The following PSMB1 variants were observed in gnomAD, a reference collection of about 807,000 sequenced individuals.
PSMB1 encodes the protein proteasome subunit beta type-1.
PSMB1 carries 7 observed loss-of-function variants against 25.4 expected under a neutral mutation model. The ratio of observed to expected loss-of-function variants is 0.28; its 90% CI spans 0.16 to 0.52. The LOEUF is 0.52. Among genes scored for constraint, PSMB1 ranks in the 20% least tolerant of loss-of-function variants. The probability of loss-of-function intolerance (pLI) is 0.97; values close to 1 mark genes in which losing one functional copy is unlikely to be tolerated. For missense variants in PSMB1, 284 were observed against 302.2 expected (o/e 0.94, Z 0.45); for synonymous variants, 119 against 115.0 (o/e 1.03, Z -0.22).
Position 170,535,184 on chromosome 6 carries a change from C to T in PSMB1, c.*36G>A. 2 of 1,562,932 alleles carry T rather than the reference C, an allele frequency of 1.3e-6. No individual in the cohort carries two copies. The highest frequency in any genetic ancestry group is 1.7e-6 in the Non-Finnish European group (2 of 1,148,500). On this transcript the variant is annotated 3_prime_UTR_variant, in exon 6 of 6. Coordinates refer to ENST00000262193, the MANE Select transcript of PSMB1 (RefSeq NM_002793.4). ...GTACAGTTCCAAAGTACAAAATCAACCAGGTCTGAACTGATTGGTGATAAG... is the reference window on the plus strand; with the variant it reads ...GTACAGTTCCAAAGTACAAAATCAATCAGGTCTGAACTGATTGGTGATAAG...
rs375665617 is a variant in PSMB1 at position 170,537,294 on chromosome 6, T to C, written c.480A>G (p.Arg160=). ...CTGAGCCTCCAGCCTTGAAGGAGTC[T>C]CTCTGGTAAGACCCTACTGGATCAA... is the stretch of plus-strand genomic sequence containing the variant. ...YSFDPVGSYQ[R]DSFKAGGSAS... Residue 160 remains arginine, a synonymous_variant, in exon 5 of 6, where the codon AGA becomes AGG. Coordinates refer to ENST00000262193, the MANE Select transcript of PSMB1 (RefSeq NM_002793.4). 16 of 1,614,138 alleles carry C rather than the reference T, an allele frequency of 9.9e-6. No individual in the cohort carries two copies. The highest frequency in any genetic ancestry group is 1.4e-5 in the Non-Finnish European group (16 of 1,180,018).
At chr6:170,537,639 T>C (rs1344372959) in intron 4 of PSMB1, among the ~76,000 whole-genome samples, 1 of 152,090 alleles carries the variant, frequency 6.6e-6, no homozygotes, top group Non-Finnish European at 1.5e-5. Context: ...AAATACAATA[T>C]TGAGTAACAC....
Position 170,553,254 on chromosome 6 carries a change from G to A in PSMB1, c.-12C>T, listed in dbSNP as rs745583589. On this transcript the variant is annotated 5_prime_UTR_variant, in exon 1 of 6. Coordinates refer to ENST00000262193, the MANE Select transcript of PSMB1 (RefSeq NM_002793.4). ...GTAGAGGACAACATCGCACGGCTGC[G>A]CCTGCGGATCCGACACTTGCTGTCT... is the stretch of plus-strand genomic sequence containing the variant. 20 of 1,583,404 alleles carry A rather than the reference G, an allele frequency of 1.3e-5. No individual in the cohort carries two copies. Among genetic ancestry groups the A allele is most frequent in the Non-Finnish European group, 1.5e-5 (17 of 1,156,904 alleles).
rs142774442 is a variant in PSMB1 at position 170,542,452 on chromosome 6, G to A, written c.433+1149C>T. Among the ~76,000 whole-genome samples, 441 of 152,228 alleles carry A rather than the reference G, an allele frequency of 2.9e-3. 2 individuals carry two copies. The highest frequency in any genetic ancestry group is 3.5e-3 in the Non-Finnish European group (240 of 68,018). The stretch of plus-strand genomic sequence containing the variant: ...GTGGCCAGCCGCATGTATTCCCCTG[G>A]AGGCTCTGACCCAAGCCAAGGCCTG... On this transcript the variant is annotated intron_variant, in intron 4 of 5. Coordinates refer to ENST00000262193, the MANE Select transcript of PSMB1 (RefSeq NM_002793.4).
intron 4 of PSMB1, among the ~76,000 whole-genome samples, chr6:170,538,947 A>G (rs774404138): frequency 2.6e-5 from 4 of 152,202 alleles, no homozygotes; most frequent in Non-Finnish European, 5.9e-5. Flanking sequence ...AGCTTTACCC[A>G]AGGATGGAAC....
chr6:170,546,315 T>C, intron 2 of PSMB1, 131 bp from the exon 3 acceptor site: 1 of 699,058 alleles, frequency 1.4e-6, no homozygotes, highest in South Asian at 1.7e-5. Flanking sequence ...GTCACCCTTC[T>C]GGGGAGGAGG....
intron 5 of PSMB1, chr6:170,536,277 CT>C: frequency 2.4e-6 from 1 of 422,704 alleles, no homozygotes; most frequent in Non-Finnish European, 4.7e-6. Context: ...TATGTAGATA[CT>C]AGCTATTTTA....
At chr6:170,552,415 G>GT (rs1778916957) in intron 1 of PSMB1, among the ~76,000 whole-genome samples, 1 of 152,028 alleles carries the variant, frequency 6.6e-6, no homozygotes, top group African/African-American at 2.4e-5. Context: ...GATAAAGCTG[G>GT]TAATTAAAAT....
At chr6:170,550,699 A>C (rs1778882554) in intron 1 of PSMB1, among the ~76,000 whole-genome samples, 2 of 152,234 alleles carry the variant, frequency 1.3e-5, no homozygotes, top group Non-Finnish European at 2.9e-5. Flanking sequence ...AGCAGGGTGA[A>C]CAGTAAATCC....
chr6:170,546,351 T>C (rs988048858), intron 2 of PSMB1, among the ~76,000 whole-genome samples, 167 bp from the exon 3 acceptor site: 1 of 152,230 alleles, frequency 6.6e-6, no homozygotes, highest in Non-Finnish European at 1.5e-5. Context: ...TTACCCCTTA[T>C]TCCAGATGAA....
intron 2 of PSMB1, among the ~76,000 whole-genome samples, chr6:170,546,951 A>G (rs1036345561): frequency 6.6e-6 from 1 of 152,234 alleles, no homozygotes; most frequent in Non-Finnish European, 1.5e-5. Flanking sequence ...AAGGAAAGCA[A>G]TAACATAAAG....
In PSMB1 at chr6:170,553,229, G is replaced by A; in HGVS notation, c.14C>T (p.Thr5Ile). MLSS[T>I]AMYSAPGRDL... ...TCTGCCAGGAGCCGAATACATGGCT[G>A]TAGAGGACAACATCGCACGGCTGCG... The change falls in exon 1 of 6, where the codon ACA becomes ATA. Residue 5 changes from threonine (T) to isoleucine (I), a missense_variant. By Grantham distance (89) the Thr-to-Ile change is moderately conservative (BLOSUM62 -1). Transcript: ENST00000262193. The A allele has an allele frequency of 6.2e-7, 1 of 1,612,300 alleles. No homozygotes were observed. Among genetic ancestry groups the A allele is most frequent in the Non-Finnish European group, 8.5e-7 (1 of 1,179,100 alleles).
intron 1 of PSMB1, among the ~76,000 whole-genome samples, chr6:170,551,058 C>G (rs779424936): frequency 6.6e-6 from 1 of 152,024 alleles, no homozygotes; most frequent in African/African-American, 2.4e-5. Flanking sequence ...GGCAGAAATG[C>G]GTGAACCCAG....
intron 1 of PSMB1, 114 bp downstream of exon 1, chr6:170,553,016 G>T (rs1778933701): frequency 3.4e-6 from 3 of 892,638 alleles, no homozygotes; most frequent in Non-Finnish European, 5.2e-6. Context: ...TCAGCTCAGG[G>T]TTCTGAGGCC....
Position 170,543,509 on chromosome 6 carries a change from A to G in PSMB1, c.433+92T>C, listed in dbSNP as rs1025574266. 5.1e-5 allele frequency: 63 copies of G among 1,232,306 alleles called. No individual in the cohort carries two copies. In the African/African-American group the frequency reaches 9.3e-4, roughly 18 times the overall value. The allele number at this position is 1,232,306 out of a possible 1,614,324, so 76.3% of individuals were successfully genotyped here. A position where few individuals can be genotyped will look rare whatever the true frequency, so the allele number is the denominator to read the frequency against. ...TGAAATGAGAATTGTGTCAGATGGT[A>G]TTTATGGTTCTTTTCAACTCTAGAT... On this transcript the variant is annotated intron_variant, in intron 4 of 5. Transcript: ENST00000262193.
chr6:170,549,243 A>C lies in PSMB1; in HGVS notation c.114-130T>G, dbSNP rs921934084. Reference sequence around the variant, plus strand: ...ACAAAAACATGATTCAAATGGGAAGAGGAAAGATGAGCGGGAAGAGAATGA... The same window carrying C: ...ACAAAAACATGATTCAAATGGGAAGCGGAAAGATGAGCGGGAAGAGAATGA... On this transcript the variant is annotated intron_variant, in intron 1 of 5. Coordinates refer to ENST00000262193, the MANE Select transcript of PSMB1 (RefSeq NM_002793.4). 24 of 520,934 alleles carry C rather than the reference A, an allele frequency of 4.6e-5. No individual in the cohort carries two copies. The Middle Eastern group carries it at 2.7e-3, about 58-fold the overall frequency. 32.3% of individuals were successfully genotyped at this position (520,934 alleles called of 1,614,324 possible).
chr6:170,549,839 C>A (rs946535831), intron 1 of PSMB1: 1 of 152,206 alleles, frequency 6.6e-6, no homozygotes, highest in Non-Finnish European at 1.5e-5. Flanking sequence ...AATATGTAAG[C>A]CCTTATAGCA....
At chr6:170,550,988 T>C (rs1445216593) in intron 1 of PSMB1, among the ~76,000 whole-genome samples, 1 of 141,868 alleles carries the variant, frequency 7.0e-6, no homozygotes, top group East Asian at 2.1e-4. Context: ...CTACTAAAAA[T>C]ACAAAAATTA....
intron 4 of PSMB1, among the ~76,000 whole-genome samples, chr6:170,539,795 T>A (rs76583851): frequency 0.034 from 5,226 of 152,274 alleles, 301 homozygotes; most frequent in African/African-American, 0.12. Flanking sequence ...AGGATGTTCA[T>A]CATAGTGTTT....
Sources: gnomAD v4.1 joint callset for allele counts (sites outside exome capture counted in the v4.1 genomes callset) on GRCh38, gnomAD v4.1.1 for gene constraint, MANE v1.5 for transcripts, NCBI Gene and HGNC (gene_info 2026-07-23, HGNC 2026-07-21) for gene names.